PRIM2: variants seen among roughly 807,000 people sequenced by gnomAD.
PRIM2 encodes DNA primase large subunit.
PRIM2 carries 39 observed loss-of-function variants against 67.3 expected under a neutral mutation model. The observed-to-expected ratio is 0.58, with a 90% CI of 0.45 to 0.76. The LOEUF is 0.76. PRIM2 is among the 30% of genes least tolerant of loss of function. The probability of loss-of-function intolerance (pLI) is 0.00; values close to 1 mark genes in which losing one functional copy is unlikely to be tolerated. For missense variants in PRIM2, 398 were observed against 598.7 expected, an observed-to-expected ratio of 0.66 and a Z score of 3.50; for synonymous variants, 143 against 198.7, an observed-to-expected ratio of 0.72 and a Z score of 2.36.
Position 57,645,961 on chromosome 6 carries a change from A to C in PRIM2, c.1333A>C (p.Asn445His). 6.3e-7 allele frequency: 1 copy of C among 1,598,804 alleles called. No homozygotes were observed. Among genetic ancestry groups the C allele is most frequent in the South Asian group, 1.1e-5 (1 of 90,802 alleles). ...DDCGFSLNHP[N>H]QFFCESQRIL... The stretch of plus-strand genomic sequence containing the variant: ...TTGTGGCTTTTCTTTGAATCATCCT[A>C]ATCAGTTCTTTTGTGAGAGCCAACG... Residue 445 changes from asparagine (N) to histidine (H), a missense_variant, in exon 14 of 14, where the codon AAT becomes CAT. By Grantham distance (68) the Asn-to-His change is moderately conservative. This residue lies in a region of PRIM2 where 72 missense variants were observed against 89.4 expected (regional missense o/e 0.81). Transcript: ENST00000615550.
At chr6:57,340,496 C>T (rs1304977877) in intron 5 of PRIM2, among the ~76,000 whole-genome samples, 1 of 152,140 alleles carries the variant, frequency 6.6e-6, no homozygotes, top group East Asian at 1.9e-4. Flanking sequence ...GTAAATGTGG[C>T]ACATATACAC....
chr6:57,386,467 A>G (rs1770156078), intron 7 of PRIM2, among the ~76,000 whole-genome samples: 1 of 149,466 alleles, frequency 6.7e-6, no homozygotes, highest in Admixed American at 6.7e-5. Flanking sequence ...AAAGAAAAGG[A>G]TTTGTCCTGA....
chr6:57,345,474 A>ATATATATG (rs1554327210), intron 5 of PRIM2, among the ~76,000 whole-genome samples: 1 of 124,594 alleles, frequency 8.0e-6, no homozygotes, highest in Non-Finnish European at 1.7e-5. Flanking sequence ...ATATATATAT[A>ATATATATG]TGTGTGTGTG....
At chr6:57,490,985 C>G (rs1231344244) in intron 7 of PRIM2, among the ~76,000 whole-genome samples, 1 of 151,732 alleles carries the variant, frequency 6.6e-6, no homozygotes, top group Non-Finnish European at 1.5e-5. Flanking sequence ...AATAGAATTC[C>G]CAGAAGGGAG....
intron 10 of PRIM2, among the ~76,000 whole-genome samples, chr6:57,579,099 A>T (rs1776026812): frequency 6.6e-6 from 1 of 151,988 alleles, no homozygotes; most frequent in Non-Finnish European, 1.5e-5. Context: ...AAATTCTCTT[A>T]AAAAAATAAA....
At chr6:57,559,440 T>G (rs1302149267) in intron 10 of PRIM2, among the ~76,000 whole-genome samples, 1 of 152,184 alleles carries the variant, frequency 6.6e-6, no homozygotes, top group Non-Finnish European at 1.5e-5. Context: ...AGTTATGCCT[T>G]TCTCAAAATT....
chr6:57,418,600 C>T (rs112988723), intron 7 of PRIM2, among the ~76,000 whole-genome samples: 1 of 151,642 alleles, frequency 6.6e-6, no homozygotes, highest in South Asian at 2.1e-4. Flanking sequence ...TGGGGTTTCA[C>T]CATGTTGGCC....
At chr6:57,433,892 G>A (rs1002051768) in intron 7 of PRIM2, among the ~76,000 whole-genome samples, 1 of 149,502 alleles carries the variant, frequency 6.7e-6, no homozygotes, top group Non-Finnish European at 1.5e-5. Context: ...CCACTTAATA[G>A]TTATGTGGGA....
chr6:57,269,064 C>T, the PRIM2 span, among the ~76,000 whole-genome samples: 21 of 151,862 alleles, frequency 1.4e-4, no homozygotes, highest in South Asian at 4.2e-4. Context: ...TCCAAGTCTT[C>T]GCTATTGTGA....
chr6:57,578,969 C>A (rs1357334508), intron 10 of PRIM2, among the ~76,000 whole-genome samples: 2 of 152,132 alleles, frequency 1.3e-5, no homozygotes, highest in Non-Finnish European at 2.9e-5. Context: ...AGCCACCGCG[C>A]CCGGCCCACC....
the PRIM2 span, among the ~76,000 whole-genome samples, chr6:57,231,392 A>G: frequency 6.6e-6 from 1 of 152,236 alleles, no homozygotes; most frequent in Non-Finnish European, 1.5e-5. Context: ...ACCTTGAATT[A>G]CAAATAATGA....
At chr6:57,461,318 A>G (rs576195217) in intron 7 of PRIM2, among the ~76,000 whole-genome samples, 14 of 152,122 alleles carry the variant, frequency 9.2e-5, no homozygotes, top group Non-Finnish European at 1.5e-4. Flanking sequence ...CTGCTCTCAC[A>G]TGCTCCTTCA....
Position 57,449,384 on chromosome 6 carries a change from T to C in PRIM2, c.694-58003T>C, listed in dbSNP as rs1277045813. On this transcript the variant is annotated intron_variant, in intron 7 of 13. Coordinates refer to ENST00000615550, the MANE Select transcript of PRIM2 (RefSeq NM_000947.5). ...TTGTTCTTAGGCCTGACTCTAAACT[T>C]GAGAAACTAAATCTTCTCCTTGTAA... Among the ~76,000 whole-genome samples the C allele has an allele frequency of 1.1e-4, 16 of 152,250 alleles. No individual in the cohort carries two copies. The South Asian group carries it at 3.3e-3, about 32-fold the overall frequency.
At chr6:57,329,230 G>A (rs1767971840) in intron 5 of PRIM2, among the ~76,000 whole-genome samples, 1 of 151,918 alleles carries the variant, frequency 6.6e-6, no homozygotes, top group Non-Finnish European at 1.5e-5. Flanking sequence ...AGGTCATAAA[G>A]ATTTACTCCT....
At chr6:57,478,085 T>A (rs1421787200) in intron 7 of PRIM2, among the ~76,000 whole-genome samples, 6 of 152,334 alleles carry the variant, frequency 3.9e-5, no homozygotes, top group Non-Finnish European at 8.8e-5. Flanking sequence ...ATTTCTCACT[T>A]TACAAATGAA....
intron 10 of PRIM2, among the ~76,000 whole-genome samples, chr6:57,596,647 C>T (rs1415049085): frequency 5.0e-5 from 7 of 140,946 alleles, no homozygotes; most frequent in Non-Finnish European, 1.1e-4. Flanking sequence ...ATTAAAAAAT[C>T]TCACACAAAA....
In PRIM2 at chr6:57,454,501, A is replaced by C. The variant is rs1426354627; in HGVS notation, c.694-52886A>C. The stretch of plus-strand genomic sequence containing the variant: ...GGTCTATTCAGAGATTCAACTTCTT[A>C]CTGGTTTAGACTTGGGAGAGTGTAT... On this transcript the variant is annotated intron_variant, in intron 7 of 13. Coordinates refer to ENST00000615550, the MANE Select transcript of PRIM2 (RefSeq NM_000947.5). Among the ~76,000 whole-genome samples, 152 of 152,094 alleles carry C rather than the reference A, an allele frequency of 1.0e-3. 1 individual carries two copies. Among genetic ancestry groups the C allele is most frequent in the African/African-American group, 3.2e-3 (134 of 41,502 alleles).
At chr6:57,376,908 C>T (rs76855074) in intron 5 of PRIM2, among the ~76,000 whole-genome samples, 13 of 152,164 alleles carry the variant, frequency 8.5e-5, no homozygotes, top group Non-Finnish European at 1.5e-4. Context: ...GACCGAGTCT[C>T]GCCTTGTCGC....
chr6:57,278,206 A>T, the PRIM2 span, among the ~76,000 whole-genome samples: 1 of 151,780 alleles, frequency 6.6e-6, no homozygotes, highest in Non-Finnish European at 1.5e-5. Flanking sequence ...GGGTGCCTGT[A>T]ATCCCAGCTA....
Sources: allele counts gnomAD v4.1 joint callset (sites outside exome capture counted in the v4.1 genomes callset), GRCh38; gene constraint gnomAD v4.1.1; regional missense constraint gnomAD v4.1.1; transcripts MANE v1.5; gene names NCBI Gene and HGNC (gene_info 2026-07-23, HGNC 2026-07-21).